Variants in SPAG16 observed in about 807,000 individuals in gnomAD.
The protein encoded by SPAG16 is sperm associated antigen 16.
SPAG16 carries 86 observed loss-of-function variants against 80.4 expected under a neutral mutation model. The observed-to-expected ratio is 1.07, with a 90% CI of 0.90 to 1.28. The LOEUF (loss-of-function observed/expected upper bound fraction) is 1.28. Ranked by LOEUF, SPAG16 falls within the 50% of genes most tolerant of loss-of-function variation. The pLI is 0.00. For missense variants in SPAG16, 870 were observed against 765.3 expected (o/e 1.14, Z -1.61); for synonymous variants, 294 against 265.9 (o/e 1.11, Z -1.03).
chr2:213,709,480 T>TAATCAATAATCAG (rs2065892520), intron 10 of SPAG16, among the ~76,000 whole-genome samples: 1 of 152,204 alleles, frequency 6.6e-6, no homozygotes, highest in Non-Finnish European at 1.5e-5. Context: ...TAATCAAAGT[T>TAATCAATAATCAG]TTAAATTATG....
rs192267126 is a variant in SPAG16 at position 213,575,996 on chromosome 2, A to C, written c.1070+85906A>C. On this transcript the variant is annotated intron_variant, in intron 10 of 15. Coordinates refer to ENST00000331683, the MANE Select transcript of SPAG16 (RefSeq NM_024532.5). ...CCATTTGCTCAAAGTTAAAAAAAGC[A>C]ACACAAGATTGTCCTGAATGGTATT... Among the ~76,000 whole-genome samples the C allele has an allele frequency of 4.6e-5, 7 of 152,252 alleles. 1 individual carries two copies. Among genetic ancestry groups the C allele is most frequent in the African/African-American group, 1.7e-4 (7 of 41,572 alleles).
intron 10 of SPAG16, among the ~76,000 whole-genome samples, chr2:213,545,341 G>A (rs2076578521): frequency 6.6e-6 from 1 of 152,030 alleles, no homozygotes; most frequent in Non-Finnish European, 1.5e-5. Flanking sequence ...TGTTGTAAAT[G>A]CCTTTTGTTT....
intron 9 of SPAG16, among the ~76,000 whole-genome samples, chr2:213,483,540 G>A (rs1048722167): frequency 6.6e-6 from 1 of 152,144 alleles, no homozygotes; most frequent in Non-Finnish European, 1.5e-5. Context: ...TGAGCAGATG[G>A]ATTCTCAAAC....
At chr2:213,955,922 T>C (rs544896960) in intron 12 of SPAG16, among the ~76,000 whole-genome samples, 35 of 152,072 alleles carry the variant, frequency 2.3e-4, no homozygotes, top group Admixed American at 1.4e-3. Flanking sequence ...TCAATTTTGT[T>C]GAACTTTTCA....
intron 13 of SPAG16, among the ~76,000 whole-genome samples, chr2:214,016,946 G>A (rs1039886014): frequency 6.6e-6 from 1 of 152,098 alleles, no homozygotes; most frequent in South Asian, 2.1e-4. Flanking sequence ...TATGGTAATG[G>A]ACATGCAGAT....
intron 10 of SPAG16, among the ~76,000 whole-genome samples, chr2:213,745,191 A>G (rs2067760306): frequency 1.3e-5 from 2 of 152,220 alleles, no homozygotes; most frequent in Non-Finnish European, 2.9e-5. Context: ...TCTATACTAC[A>G]TAAATTAATT....
At chr2:213,737,932 TA>T (rs1228381279) in intron 10 of SPAG16, among the ~76,000 whole-genome samples, 1 of 152,140 alleles carries the variant, frequency 6.6e-6, no homozygotes, top group African/African-American at 2.4e-5. Context: ...TCAATATTTT[TA>T]AAAAAATTCT....
chr2:213,324,536 T>G (rs2063763037), intron 5 of SPAG16, among the ~76,000 whole-genome samples: 1 of 152,170 alleles, frequency 6.6e-6, no homozygotes, highest in Non-Finnish European at 1.5e-5. Flanking sequence ...TGGCATCTTA[T>G]ACTCAGCATA....
intron 10 of SPAG16, among the ~76,000 whole-genome samples, chr2:213,779,365 T>C (rs1479364864): frequency 6.6e-6 from 1 of 152,206 alleles, no homozygotes; most frequent in African/African-American, 2.4e-5. Flanking sequence ...AGAGTAACCT[T>C]AACCTAAAAT....
intron 9 of SPAG16, among the ~76,000 whole-genome samples, chr2:213,446,788 G>A (rs1010402315): frequency 2.0e-5 from 3 of 152,154 alleles, no homozygotes; most frequent in Non-Finnish European, 2.9e-5. Flanking sequence ...ACCAGGAGAG[G>A]AAGGCACTGC....
intron 10 of SPAG16, among the ~76,000 whole-genome samples, chr2:213,680,609 T>C (rs1284085335): frequency 1.3e-5 from 2 of 152,176 alleles, no homozygotes; most frequent in Non-Finnish European, 2.9e-5. Flanking sequence ...TAGAGCATCC[T>C]TGCAAGTAGG....
intron 15 of SPAG16, among the ~76,000 whole-genome samples, chr2:214,167,269 G>A (rs932455186): frequency 1.3e-5 from 2 of 151,926 alleles, no homozygotes; most frequent in Non-Finnish European, 2.9e-5. Context: ...TACTTGTGCC[G>A]CTCTCCTTGG....
At chr2:213,908,079 C>G (rs1468489624) in intron 11 of SPAG16, among the ~76,000 whole-genome samples, 1 of 152,146 alleles carries the variant, frequency 6.6e-6, no homozygotes, top group Non-Finnish European at 1.5e-5. Context: ...CTGATTTGCT[C>G]ACTTACTGTA....
At chr2:213,774,701 G>T (rs1002925245) in intron 10 of SPAG16, among the ~76,000 whole-genome samples, 1 of 152,120 alleles carries the variant, frequency 6.6e-6, no homozygotes, top group African/African-American at 2.4e-5. Flanking sequence ...TTTGTGTAAA[G>T]AAACACTTAA....
chr2:213,910,422 A>T (rs2077613248), intron 11 of SPAG16, among the ~76,000 whole-genome samples: 1 of 152,210 alleles, frequency 6.6e-6, no homozygotes, highest in African/African-American at 2.4e-5. Flanking sequence ...ATAACAAGAG[A>T]ATTTTTACAA....
chr2:213,669,028 G>A (rs1361601589), intron 10 of SPAG16, among the ~76,000 whole-genome samples: 1 of 152,096 alleles, frequency 6.6e-6, no homozygotes, highest in Non-Finnish European at 1.5e-5. Flanking sequence ...TGCAAATTTT[G>A]CCTTTTGCTA....
intron 10 of SPAG16, among the ~76,000 whole-genome samples, chr2:213,666,382 A>G (rs186638273): frequency 5.3e-5 from 8 of 152,192 alleles, no homozygotes; most frequent in Non-Finnish European, 8.8e-5. Context: ...AGCTTGGCAT[A>G]TATTAACTGG....
intron 13 of SPAG16, among the ~76,000 whole-genome samples, chr2:214,057,482 A>G (rs989764246): frequency 3.3e-5 from 5 of 152,136 alleles, no homozygotes; most frequent in African/African-American, 1.2e-4. Flanking sequence ...TGCTGTTAAG[A>G]GATGTGCCAT....
At chr2:213,997,924 T>C (rs2046606076) in intron 12 of SPAG16, among the ~76,000 whole-genome samples, 1 of 152,188 alleles carries the variant, frequency 6.6e-6, no homozygotes, top group African/African-American at 2.4e-5. Flanking sequence ...GTAAGCAAGG[T>C]ATACACATTT....
Sources: gnomAD v4.1 joint callset for allele counts (sites outside exome capture counted in the v4.1 genomes callset) on GRCh38, gnomAD v4.1.1 for gene constraint, MANE v1.5 for transcripts, NCBI Gene and HGNC (gene_info 2026-07-23, HGNC 2026-07-21) for gene names.